Variants in BMPER observed in about 807,000 individuals in gnomAD.
BMPER encodes the protein BMP-binding endothelial regulator protein.
A neutral mutation model predicts 87.3 loss-of-function variants in BMPER; 45 were observed. That is an observed-to-expected ratio of 0.52 (90% CI 0.41 to 0.66). BMPER has a LOEUF of 0.66. BMPER is among the 30% of genes least tolerant of loss of function. BMPER has a pLI of 0.00. For synonymous variants in BMPER, 326 were observed against 316.2 expected (o/e 1.03, Z -0.33); for missense variants, 784 against 867.5 (o/e 0.90, Z 1.21).
chr7:34,103,417 G>T (rs922339724), intron 13 of BMPER, among the ~76,000 whole-genome samples: 1 of 152,096 alleles, frequency 6.6e-6, no homozygotes, highest in Non-Finnish European at 1.5e-5. Context: ...TTTGAAACCT[G>T]GTATTCTACA....
intron 11 of BMPER, among the ~76,000 whole-genome samples, 186 bp from the exon 12 acceptor site, chr7:34,078,671 C>T (rs1321331705): frequency 2.0e-5 from 3 of 152,042 alleles, no homozygotes; most frequent in Non-Finnish European, 4.4e-5. Flanking sequence ...ATAAAAGAAC[C>T]AGAAGTATTC....
At chr7:33,925,757 C>T (rs768055626) in intron 2 of BMPER, among the ~76,000 whole-genome samples, 1 of 152,154 alleles carries the variant, frequency 6.6e-6, no homozygotes, top group Non-Finnish European at 1.5e-5. Flanking sequence ...TGCTACACTT[C>T]ACTTGGAGTG....
chr7:34,114,758 A>G (rs1790066206), intron 13 of BMPER, among the ~76,000 whole-genome samples: 1 of 152,210 alleles, frequency 6.6e-6, no homozygotes, highest in Non-Finnish European at 1.5e-5. Context: ...AGTGGACGCA[A>G]ATCAGGAGAG....
At chr7:34,062,682 A>G (rs1203556898) in intron 11 of BMPER, among the ~76,000 whole-genome samples, 1 of 152,184 alleles carries the variant, frequency 6.6e-6, no homozygotes, top group African/African-American at 2.4e-5. Context: ...AGATGGTATA[A>G]CCTACTGCAC....
intron 3 of BMPER, among the ~76,000 whole-genome samples, chr7:33,943,299 T>G (rs1784810458): frequency 6.6e-6 from 1 of 152,222 alleles, no homozygotes; most frequent in African/African-American, 2.4e-5. Flanking sequence ...TTTTGCAGTT[T>G]GCTTTGGCCA....
intron 13 of BMPER, among the ~76,000 whole-genome samples, chr7:34,129,721 G>A (rs890527638): frequency 9.9e-5 from 15 of 151,294 alleles, no homozygotes; most frequent in Non-Finnish European, 1.9e-4. Flanking sequence ...TTTTATTTCA[G>A]TTCCTTTGCC....
chr7:34,086,509 C>T (rs1789214832), intron 13 of BMPER, among the ~76,000 whole-genome samples: 1 of 152,196 alleles, frequency 6.6e-6, no homozygotes, highest in Non-Finnish European at 1.5e-5. Flanking sequence ...TTGAATGAGT[C>T]TGGTTATTCT....
chr7:34,012,299 C>G (rs1057050817), intron 6 of BMPER, among the ~76,000 whole-genome samples: 1 of 151,842 alleles, frequency 6.6e-6, no homozygotes, highest in African/African-American at 2.4e-5. Context: ...CAACTTCTCA[C>G]AAAAATAATC....
chr7:33,925,628 G>T (rs1784339707), intron 2 of BMPER, among the ~76,000 whole-genome samples: 1 of 152,198 alleles, frequency 6.6e-6, no homozygotes, highest in Non-Finnish European at 1.5e-5. Context: ...GACTAGCAAA[G>T]TGTGTTAAAT....
rs6973393 is a variant in BMPER at position 34,032,826 on chromosome 7, T to C, written c.577-13480T>C. 9.3e-3 allele frequency among the ~76,000 whole-genome samples: 1,416 copies of C among 152,294 alleles called. 19 individuals are homozygous for C. The highest frequency in any genetic ancestry group is 0.032 in the African/African-American group (1,350 of 41,552). On this transcript the variant is annotated intron_variant, in intron 6 of 14. Transcript: ENST00000649409. Reference sequence around the variant, plus strand: ...CCTACCATGGCATGTTTTATTAGTGTTGGAGTGAGAACAACCATTTTCCAG... The same window carrying C: ...CCTACCATGGCATGTTTTATTAGTGCTGGAGTGAGAACAACCATTTTCCAG...
Position 33,945,740 on chromosome 7 carries a change from C to T in BMPER, c.319+8352C>T, listed in dbSNP as rs74980595. 0.011 allele frequency among the ~76,000 whole-genome samples: 1,696 copies of T among 152,250 alleles called. 67 individuals carry two copies. In the East Asian group the frequency reaches 0.13, roughly 12 times the overall value. On this transcript the variant is annotated intron_variant, in intron 3 of 14. Transcript: ENST00000649409. Reference sequence around the variant, plus strand: ...CCAGAAGGACTTATGTTCCCCATTGCTGGATACCAAGTTATTTGGTTTATG... The same window carrying T: ...CCAGAAGGACTTATGTTCCCCATTGTTGGATACCAAGTTATTTGGTTTATG...
In BMPER at chr7:33,926,523, TA is replaced by T. The variant is rs1245585785; in HGVS notation, c.220-10764del. Among the ~76,000 whole-genome samples, 4 of 152,374 alleles carry T rather than the reference TA, an allele frequency of 2.6e-5. No homozygotes were observed. The East Asian group carries it at 7.7e-4, about 29-fold the overall frequency. ...CCACTCTCGTTTCTTTATAACACCT[TA>T]ATCTCAGAAATGGATTATTTGCAAA... On this transcript the variant is annotated intron_variant, in intron 2 of 14. Transcript: ENST00000649409.
chr7:33,941,159 A>G (rs1429761656), intron 3 of BMPER, among the ~76,000 whole-genome samples: 3 of 135,682 alleles, frequency 2.2e-5, no homozygotes, highest in Non-Finnish European at 4.6e-5. Flanking sequence ...CATATAATTT[A>G]TATATTATAT....
chr7:34,150,184 GA>G (rs1791136904), intron 14 of BMPER, among the ~76,000 whole-genome samples: 1 of 152,102 alleles, frequency 6.6e-6, no homozygotes, highest in African/African-American at 2.4e-5. Context: ...AAGAGGTTGG[GA>G]AATAGTAGGA....
intron 7 of BMPER, among the ~76,000 whole-genome samples, chr7:34,049,242 A>G: frequency 6.6e-6 from 1 of 152,224 alleles, no homozygotes; most frequent in East Asian, 1.9e-4. Context: ...ATCACCTCTA[A>G]TAATCATAAT....
At chr7:34,045,914 C>A (rs371122984) in intron 6 of BMPER, among the ~76,000 whole-genome samples, 1 of 152,122 alleles carries the variant, frequency 6.6e-6, no homozygotes, top group East Asian at 1.9e-4. Context: ...AAGGCAGTGA[C>A]CTATTAGGAT....
At chr7:33,936,449 A>T (rs1371057274) in intron 2 of BMPER, among the ~76,000 whole-genome samples, 2 of 152,166 alleles carry the variant, frequency 1.3e-5, no homozygotes, top group Non-Finnish European at 2.9e-5. Flanking sequence ...CAAAATGGGG[A>T]TAACGATACT....
chr7:34,076,566 G>C (rs1788871039), intron 11 of BMPER, among the ~76,000 whole-genome samples: 1 of 151,988 alleles, frequency 6.6e-6, no homozygotes, highest in South Asian at 2.1e-4. Flanking sequence ...CTAGATCATA[G>C]TTCATTTTAT....
intron 2 of BMPER, among the ~76,000 whole-genome samples, chr7:33,933,920 C>A (rs1013395446): frequency 5.3e-5 from 8 of 152,148 alleles, no homozygotes; most frequent in Non-Finnish European, 2.9e-5. Context: ...AGATGGCGAT[C>A]ATTGGGAATT....
Sources: gnomAD v4.1 joint callset for allele counts (sites outside exome capture counted in the v4.1 genomes callset) on GRCh38, gnomAD v4.1.1 for gene constraint, MANE v1.5 for transcripts, NCBI Gene and HGNC (gene_info 2026-07-23, HGNC 2026-07-21) for gene names.